The following KDM6A variants were observed in gnomAD, a reference collection of about 807,000 sequenced individuals.
The protein encoded by KDM6A is lysine demethylase 6A, also known as lysine-specific demethylase 6A.
A neutral mutation model predicts 117.6 loss-of-function variants in KDM6A; 11 were observed. The ratio of observed to expected loss-of-function variants is 0.09; its 90% CI spans 0.06 to 0.15. The LOEUF (loss-of-function observed/expected upper bound fraction) is 0.15, where lower values mean the gene tolerates loss of function less well. KDM6A is among the 10% of genes least tolerant of loss of function. KDM6A has a pLI of 1.00. For missense variants in KDM6A, 799 were observed against 1,077.3 expected (o/e 0.74, Z 3.62); for synonymous variants, 384 against 396.1 (o/e 0.97, Z 0.36).
chrX:45,052,455 T>A (rs977397813), intron 9 of KDM6A, among the ~76,000 whole-genome samples: 2 of 112,204 alleles, frequency 1.8e-5, no homozygotes, highest in Middle Eastern at 4.2e-3. Context: ...GTTTTCATAA[T>A]GTAACTATTT....
intron 27 of KDM6A, among the ~76,000 whole-genome samples, chrX:45,093,638 T>C (rs1027133432): frequency 8.1e-5 from 9 of 110,595 alleles, no homozygotes; most frequent in East Asian, 2.9e-4. Context: ...GGAAAACTTA[T>C]AGTCTTTTCT....
chrX:44,946,693 G>C (rs1350663763), intron 2 of KDM6A, among the ~76,000 whole-genome samples: 1 of 110,320 alleles, frequency 9.1e-6, no homozygotes, highest in Non-Finnish European at 1.9e-5. Flanking sequence ...TTTCACATTA[G>C]GGCCTTTAAT....
At chrX:45,084,275 A>G (rs1027677434) in intron 24 of KDM6A, among the ~76,000 whole-genome samples, 4 of 112,107 alleles carry the variant, frequency 3.6e-5, no homozygotes, top group African/African-American at 1.3e-4. Flanking sequence ...TCCATCCAGT[A>G]CTGAAGTACC....
intron 8 of KDM6A, among the ~76,000 whole-genome samples, chrX:45,040,258 G>C (rs1486718447): frequency 8.0e-4 from 62 of 77,193 alleles, no homozygotes; most frequent in Non-Finnish European, 1.5e-3. Flanking sequence ...CGGCTGGCCC[G>C]GGGGGTGGGG....
At chrX:45,008,819 T>C (rs2041628408) in intron 4 of KDM6A, among the ~76,000 whole-genome samples, 1 of 111,977 alleles carries the variant, frequency 8.9e-6, no homozygotes, top group Admixed American at 9.5e-5. Flanking sequence ...AATTTAAAAA[T>C]GGATGTTGTC....
intron 15 of KDM6A, 64 bp downstream of exon 15, chrX:45,061,483 A>ATTTTTT (rs1161774144): frequency 2.1e-4 from 50 of 234,646 alleles, no homozygotes; most frequent in Middle Eastern, 9.1e-4. Flanking sequence ...ACAAGTATTA[A>ATTTTTT]TTTTTTTTTT....
chrX:45,004,902 T>C (rs376934229), intron 4 of KDM6A, among the ~76,000 whole-genome samples: 81 of 110,423 alleles, frequency 7.3e-4, no homozygotes, highest in African/African-American at 2.5e-3. Context: ...CCCAAGTGTA[T>C]AACTGAGGTC....
rs563005668 is a variant in KDM6A at position 44,897,748 on chromosome X, G to GT, written c.225+23769dup. Among the ~76,000 whole-genome samples the GT allele has an allele frequency of 6.7e-3, 732 of 109,881 alleles. 5 individuals are homozygous for GT. The highest frequency in any genetic ancestry group is 0.011 in the Non-Finnish European group (562 of 52,478). On this transcript the variant is annotated intron_variant, in intron 2 of 29. Coordinates refer to ENST00000611820, the MANE Select transcript of KDM6A (RefSeq NM_001291415.2). Reference sequence around the variant, plus strand: ...CATGCCTGGCTAATTTTGTTTTTTTGTTTTTTTTGAGATAGGGTCTTGCTC... The same window carrying GT: ...CATGCCTGGCTAATTTTGTTTTTTTGTTTTTTTTTGAGATAGGGTCTTGCTC...
In KDM6A at chrX:45,006,019, C is replaced by T. The variant is rs1342738974; in HGVS notation, c.385-4942C>T. Among the ~76,000 whole-genome samples the T allele has an allele frequency of 8.4e-5, 7 of 83,641 alleles. No homozygotes were observed. The East Asian group carries it at 1.7e-3, about 21-fold the overall frequency. The allele number at this position is 83,641 out of a possible 115,157, so 72.6% of individuals were successfully genotyped here. A position where few individuals can be genotyped will look rare whatever the true frequency, so the allele number is the denominator to read the frequency against. On this transcript the variant is annotated intron_variant, in intron 4 of 29. Transcript: ENST00000611820. ...CACCCACCACCCACCACCCACCACC[C>T]GGCTTTCTTACCTTGGTCCCTACCA...
chrX:45,006,589 C>T (rs773930345), intron 4 of KDM6A, among the ~76,000 whole-genome samples: 5 of 109,816 alleles, frequency 4.6e-5, no homozygotes, highest in East Asian at 2.9e-4. Flanking sequence ...AAGAGAGTGA[C>T]GGGGTGAGTG....
chrX:45,037,155 G>C (rs2042850478), intron 7 of KDM6A, among the ~76,000 whole-genome samples: 1 of 111,870 alleles, frequency 8.9e-6, no homozygotes, highest in South Asian at 3.6e-4. Context: ...TCAACACCAG[G>C]CTCCTTATTG....
At chrX:44,881,728 C>A (rs1179595423) in intron 2 of KDM6A, among the ~76,000 whole-genome samples, 1 of 104,545 alleles carries the variant, frequency 9.6e-6, no homozygotes, top group Non-Finnish European at 1.9e-5. Flanking sequence ...ACTTTTGTTG[C>A]CCAGGCTGCA....
intron 3 of KDM6A, among the ~76,000 whole-genome samples, chrX:44,969,769 A>G (rs2039246268): frequency 9.0e-6 from 1 of 111,567 alleles, no homozygotes; most frequent in African/African-American, 3.3e-5. Flanking sequence ...TGGAATATTT[A>G]TAGTATAAGA....
chrX:44,898,804 A>G (rs943992357), intron 2 of KDM6A, among the ~76,000 whole-genome samples: 5 of 109,896 alleles, frequency 4.5e-5, no homozygotes, highest in Non-Finnish European at 1.9e-5. Flanking sequence ...TTGTCTTGCC[A>G]ACACAACCCT....
At chrX:45,041,247 G>A (rs2043169210) in intron 8 of KDM6A, among the ~76,000 whole-genome samples, 3 of 85,313 alleles carry the variant, frequency 3.5e-5, no homozygotes, top group Non-Finnish European at 6.8e-5. Flanking sequence ...CAGTAGGGGC[G>A]GCCGGGCAGA....
chrX:44,922,734 G>A (rs1490365673), intron 2 of KDM6A, among the ~76,000 whole-genome samples: 1 of 112,899 alleles, frequency 8.9e-6, no homozygotes, highest in Non-Finnish European at 1.9e-5. Context: ...CTCCCAAAGT[G>A]CTGGGATTAC....
chrX:45,079,245 A>G lies in KDM6A; in HGVS notation c.3194A>G (p.Asp1065Gly), dbSNP rs2148120106. The change falls in exon 21 of 30, where the codon GAT becomes GGT. Residue 1065 changes from aspartate to glycine, a missense_variant. Transcript: ENST00000611820. ...QLLQPADENW[D>G]PTGTKKIWHC... Reference sequence around the variant, plus strand: ...TTGCAGCCAGCAGATGAAAACTGGGATCCCACTGGAACAAAGAAAATCTGG... The same window carrying G: ...TTGCAGCCAGCAGATGAAAACTGGGGTCCCACTGGAACAAAGAAAATCTGG... 1 of 1,205,982 alleles carries G rather than the reference A, an allele frequency of 8.3e-7. No individual in the cohort carries two copies. The highest frequency in any genetic ancestry group is 1.1e-6 in the Non-Finnish European group (1 of 890,230).
intron 2 of KDM6A, among the ~76,000 whole-genome samples, chrX:44,950,795 C>G (rs1377725208): frequency 9.0e-6 from 1 of 110,576 alleles, no homozygotes; most frequent in Non-Finnish European, 1.9e-5. Context: ...TCTGATCAAT[C>G]TTTTATTCTT....
chrX:45,064,474 T>C (rs2044443854), intron 17 of KDM6A, among the ~76,000 whole-genome samples: 1 of 112,301 alleles, frequency 8.9e-6, no homozygotes, highest in Non-Finnish European at 1.9e-5. Context: ...TGCATGCACA[T>C]TATTTTTGTC....
Sources: allele counts gnomAD v4.1 joint callset (sites outside exome capture counted in the v4.1 genomes callset), GRCh38; gene constraint gnomAD v4.1.1; transcripts MANE v1.5; gene names NCBI Gene and HGNC (gene_info 2026-07-23, HGNC 2026-07-21).